The following LRRC4C variants were observed in gnomAD, a reference collection of about 807,000 sequenced individuals.
LRRC4C encodes leucine-rich repeat-containing protein 4C.
In LRRC4C, 5 loss-of-function variants were observed where a neutral mutation model predicts 33.6. That is an observed-to-expected ratio of 0.15 (90% CI 0.08 to 0.31). The LOEUF is 0.31. Ranked by LOEUF, LRRC4C falls within the 10% of genes least tolerant of loss-of-function variation. The pLI, the probability that LRRC4C is intolerant of heterozygous loss-of-function variation, is 1.00. For synonymous variants in LRRC4C, 329 were observed against 302.0 expected (o/e 1.09, Z -0.93); for missense variants, 560 against 796.7 (o/e 0.70, Z 3.58).
At chr11:40,349,531 A>G (rs1230454191) in intron 3 of LRRC4C, among the ~76,000 whole-genome samples, 1 of 152,118 alleles carries the variant, frequency 6.6e-6, no homozygotes, top group Non-Finnish European at 1.5e-5. Flanking sequence ...TGCAATTAAC[A>G]TGGGAGTGCA....
intron 3 of LRRC4C, among the ~76,000 whole-genome samples, chr11:40,390,637 C>T (rs981333879): frequency 2.6e-5 from 4 of 152,132 alleles, no homozygotes; most frequent in African/African-American, 9.6e-5. Context: ...AATATATAAG[C>T]TTAACAGTGG....
intron 2 of LRRC4C, among the ~76,000 whole-genome samples, chr11:40,841,177 T>G (rs1429459211): frequency 6.6e-6 from 1 of 152,226 alleles, no homozygotes; most frequent in Non-Finnish European, 1.5e-5. Flanking sequence ...GTGTCTAGTT[T>G]AAGATAAGGA....
chr11:40,800,938 G>T (rs1741472402), intron 2 of LRRC4C, among the ~76,000 whole-genome samples: 1 of 152,032 alleles, frequency 6.6e-6, no homozygotes, highest in African/African-American at 2.4e-5. Context: ...TCATAATCTT[G>T]TTCCTTAAAT....
chr11:40,479,950 C>T (rs1252507988), intron 3 of LRRC4C, among the ~76,000 whole-genome samples: 1 of 152,168 alleles, frequency 6.6e-6, no homozygotes, highest in Admixed American at 6.5e-5. Context: ...TTATTCCTTG[C>T]TTCTACTGGA....
intron 1 of LRRC4C, among the ~76,000 whole-genome samples, chr11:41,422,161 C>A (rs1954891808): frequency 6.6e-6 from 1 of 151,966 alleles, no homozygotes; most frequent in Middle Eastern, 3.2e-3. Flanking sequence ...TGATTAATTG[C>A]TGCCTATTGT....
intron 4 of LRRC4C, among the ~76,000 whole-genome samples, chr11:40,318,470 A>G (rs7109976): frequency 0.08 from 12,222 of 152,208 alleles, 524 homozygotes; most frequent in African/African-American, 0.1. Flanking sequence ...GAGACTATTA[A>G]GTCAATCCTG....
At chr11:41,020,757 T>A (rs1203519551) in intron 1 of LRRC4C, among the ~76,000 whole-genome samples, 1 of 151,916 alleles carries the variant, frequency 6.6e-6, no homozygotes, top group Non-Finnish European at 1.5e-5. Context: ...GTCTATGTGC[T>A]TAACCCTATC....
intron 2 of LRRC4C, among the ~76,000 whole-genome samples, chr11:40,854,475 G>A (rs546423361): frequency 3.9e-5 from 6 of 152,230 alleles, no homozygotes; most frequent in East Asian, 1.9e-4. Flanking sequence ...AGTCAGACTC[G>A]ACTTGTATTC....
chr11:41,079,392 A>G (rs886131492), intron 1 of LRRC4C, among the ~76,000 whole-genome samples: 1 of 152,190 alleles, frequency 6.6e-6, no homozygotes, highest in Non-Finnish European at 1.5e-5. Context: ...GTGATGTAAC[A>G]ATTTTGAAGG....
At chr11:41,064,923 A>G (rs1199854156) in intron 1 of LRRC4C, among the ~76,000 whole-genome samples, 1 of 152,206 alleles carries the variant, frequency 6.6e-6, no homozygotes. Flanking sequence ...GCGGATCAGA[A>G]GATTCCCTTG....
At chr11:40,368,872 A>G (rs530351357) in intron 3 of LRRC4C, among the ~76,000 whole-genome samples, 1 of 152,202 alleles carries the variant, frequency 6.6e-6, no homozygotes, top group African/African-American at 2.4e-5. Context: ...TCTTTAAACC[A>G]CTCTGAGCCA....
At chr11:41,351,533 A>G (rs1951984644) in intron 1 of LRRC4C, among the ~76,000 whole-genome samples, 1 of 152,114 alleles carries the variant, frequency 6.6e-6, no homozygotes, top group South Asian at 2.1e-4. Flanking sequence ...TCCCCAAAAC[A>G]CATAGTCATC....
At chr11:40,418,517 G>A (rs1950408529) in intron 3 of LRRC4C, among the ~76,000 whole-genome samples, 1 of 152,224 alleles carries the variant, frequency 6.6e-6, no homozygotes, top group Admixed American at 6.5e-5. Context: ...TGGTGGGAAT[G>A]TAAATTAGTT....
chr11:40,738,094 A>C (rs1947975887), intron 2 of LRRC4C, among the ~76,000 whole-genome samples: 1 of 152,202 alleles, frequency 6.6e-6, no homozygotes, highest in Non-Finnish European at 1.5e-5. Context: ...GATCTTTGAC[A>C]AATCTGACCA....
intron 1 of LRRC4C, among the ~76,000 whole-genome samples, chr11:41,353,019 C>T (rs1455015478): frequency 6.6e-6 from 1 of 151,886 alleles, no homozygotes; most frequent in East Asian, 1.9e-4. Flanking sequence ...AGCAGAAATA[C>T]TCAAAATCAG....
chr11:41,044,863 C>T (rs1204640991), intron 1 of LRRC4C, among the ~76,000 whole-genome samples: 1 of 152,082 alleles, frequency 6.6e-6, no homozygotes, highest in Non-Finnish European at 1.5e-5. Flanking sequence ...AAAATATCCT[C>T]ACTGTAGTTC....
At chr11:40,684,500 C>G (rs1944858543) in intron 2 of LRRC4C, among the ~76,000 whole-genome samples, 1 of 151,592 alleles carries the variant, frequency 6.6e-6, no homozygotes, top group Non-Finnish European at 1.5e-5. Context: ...GTGAGAAGAC[C>G]TAACATATAT....
At chr11:40,701,865 A>T (rs963622029) in intron 2 of LRRC4C, among the ~76,000 whole-genome samples, 4 of 151,878 alleles carry the variant, frequency 2.6e-5, no homozygotes, top group African/African-American at 9.7e-5. Flanking sequence ...TTTCTAGTTT[A>T]TCTCTTCTGG....
At chr11:40,468,084 A>T (rs967614287) in intron 3 of LRRC4C, among the ~76,000 whole-genome samples, 31 of 152,134 alleles carry the variant, frequency 2.0e-4, no homozygotes, top group Non-Finnish European at 2.2e-4. Context: ...AAGCTATGTG[A>T]CTTTGCTCCT....
Sources: gnomAD v4.1 joint callset for allele counts (sites outside exome capture counted in the v4.1 genomes callset) on GRCh38, gnomAD v4.1.1 for gene constraint, MANE v1.5 for transcripts, NCBI Gene and HGNC (gene_info 2026-07-23, HGNC 2026-07-21) for gene names.